The following B3GALT1 variants were observed in gnomAD, a reference collection of about 807,000 sequenced individuals.
B3GALT1 encodes beta-1,3-galactosyltransferase 1.
A neutral mutation model predicts 23.2 loss-of-function variants in B3GALT1; 10 were observed. That is an observed-to-expected ratio of 0.43 (90% CI 0.27 to 0.73). The LOEUF (loss-of-function observed/expected upper bound fraction) is 0.73. B3GALT1 is among the 30% of genes least tolerant of loss of function. B3GALT1 has a pLI of 0.21. For synonymous variants in B3GALT1, 156 were observed against 141.5 expected, an observed-to-expected ratio of 1.10 and a Z score of -0.73; for missense variants, 299 against 405.4, an observed-to-expected ratio of 0.74 and a Z score of 2.25.
At chr2:167,806,924 G>A (rs1002582778) in intron 3 of B3GALT1, among the ~76,000 whole-genome samples, 9 of 152,110 alleles carry the variant, frequency 5.9e-5, no homozygotes, top group African/African-American at 1.4e-4. Context: ...GGTAGAATTC[G>A]GCTGTGAATC....
At chr2:167,492,287 A>C (rs116617634) in intron 2 of B3GALT1, among the ~76,000 whole-genome samples, 1 of 152,174 alleles carries the variant, frequency 6.6e-6, no homozygotes, top group African/African-American at 2.4e-5. Flanking sequence ...TTTAAGGTTC[A>C]TCTATGTTTT....
intron 2 of B3GALT1, among the ~76,000 whole-genome samples, chr2:167,521,010 G>C (rs954173340): frequency 3.3e-5 from 5 of 151,744 alleles, no homozygotes; most frequent in Non-Finnish European, 7.4e-5. Context: ...TGACATAGAT[G>C]GTCTGCTACT....
At chr2:167,345,318 A>C (rs534462957) in intron 1 of B3GALT1, among the ~76,000 whole-genome samples, 8 of 152,236 alleles carry the variant, frequency 5.3e-5, no homozygotes, top group African/African-American at 1.4e-4. Context: ...GAGTCTTGAC[A>C]TCTGAGCCCA....
rs561601793 is a variant in B3GALT1, at chr2:167,352,645, T to C, written c.-511+59311T>C. Among the ~76,000 whole-genome samples, 572 of 150,450 alleles carry C rather than the reference T, an allele frequency of 3.8e-3. 6 individuals carry two copies. Among genetic ancestry groups the C allele is most frequent in the African/African-American group, 0.013 (539 of 40,916 alleles). ...CTGAGGCAGGAGAATGGCATGAACC[T>C]GGGAGGCGGAGACTGCAGTGAGCCA... On this transcript the variant is annotated intron_variant, in intron 1 of 4. Coordinates refer to ENST00000392690, the MANE Select transcript of B3GALT1 (RefSeq NM_020981.4).
chr2:167,357,204 C>G (rs1697430001), intron 1 of B3GALT1, among the ~76,000 whole-genome samples: 2 of 151,822 alleles, frequency 1.3e-5, no homozygotes, highest in South Asian at 4.1e-4. Flanking sequence ...TTAGTTTTAT[C>G]TTGATAATTT....
intron 2 of B3GALT1, among the ~76,000 whole-genome samples, chr2:167,636,846 G>T (rs1347403302): frequency 6.6e-6 from 1 of 151,990 alleles, no homozygotes; most frequent in Admixed American, 6.6e-5. Flanking sequence ...TGGGTGGGGG[G>T]CTATGGGAGG....
At chr2:167,481,152 C>T (rs1342767781) in intron 1 of B3GALT1, among the ~76,000 whole-genome samples, 1 of 152,166 alleles carries the variant, frequency 6.6e-6, no homozygotes, top group Non-Finnish European at 1.5e-5. Context: ...CAAAAATGTG[C>T]ATCTTTGTTC....
chr2:167,748,605 A>T (rs1303176987), intron 3 of B3GALT1, among the ~76,000 whole-genome samples: 1 of 152,178 alleles, frequency 6.6e-6, no homozygotes, highest in Admixed American at 6.5e-5. Context: ...GTGGGCAACT[A>T]TGTGGAAGTG....
At chr2:167,715,255 G>A in intron 3 of B3GALT1, 1 of 1,613,956 alleles carries the variant, frequency 6.2e-7, no homozygotes, top group Non-Finnish European at 8.5e-7. Flanking sequence ...TCATTGGCAA[G>A]TGTCCAGTCA....
chr2:167,814,597 T>TAA (rs796537148), intron 3 of B3GALT1, among the ~76,000 whole-genome samples: 1 of 147,300 alleles, frequency 6.8e-6, no homozygotes, highest in African/African-American at 2.5e-5. Context: ...CCGTCTCTAC[T>TAA]AAAAAAAAAA....
At chr2:167,791,040 A>G (rs934890514) in intron 3 of B3GALT1, among the ~76,000 whole-genome samples, 1 of 152,176 alleles carries the variant, frequency 6.6e-6, no homozygotes, top group East Asian at 1.9e-4. Context: ...CTGTCAGGAG[A>G]TGAATACAAA....
At chr2:167,475,268 T>TCC (rs1031573962) in intron 1 of B3GALT1, among the ~76,000 whole-genome samples, 2 of 152,204 alleles carry the variant, frequency 1.3e-5, no homozygotes, top group Non-Finnish European at 2.9e-5. Context: ...CTGGAGACAC[T>TCC]CCCCACCCCT....
chr2:167,481,842 T>A (rs1260872042), intron 1 of B3GALT1, among the ~76,000 whole-genome samples: 1 of 152,346 alleles, frequency 6.6e-6, no homozygotes, highest in African/African-American at 2.4e-5. Flanking sequence ...AGCACTCTGT[T>A]ACATGCCCAA....
intron 1 of B3GALT1, among the ~76,000 whole-genome samples, chr2:167,401,540 C>T (rs1698192022): frequency 6.6e-6 from 1 of 152,106 alleles, no homozygotes. Flanking sequence ...AGCAGGCTGC[C>T]TTCTTTAACA....
chr2:167,559,382 T>C (rs961494524), intron 2 of B3GALT1, among the ~76,000 whole-genome samples: 4 of 151,960 alleles, frequency 2.6e-5, no homozygotes, highest in African/African-American at 9.7e-5. Context: ...AACTGGAAAC[T>C]CTAAAAAGCA....
At chr2:167,456,892 A>G (rs1322476497) in intron 1 of B3GALT1, among the ~76,000 whole-genome samples, 1 of 152,150 alleles carries the variant, frequency 6.6e-6, no homozygotes, top group Non-Finnish European at 1.5e-5. Flanking sequence ...GTCATTATGT[A>G]GGCATGATTA....
intron 3 of B3GALT1, among the ~76,000 whole-genome samples, chr2:167,682,121 T>C (rs1263357749): frequency 6.6e-6 from 1 of 152,160 alleles, no homozygotes; most frequent in Non-Finnish European, 1.5e-5. Flanking sequence ...CTGTTCCTAT[T>C]GCCTTGGTGT....
At chr2:167,551,699 C>A (rs1574132424) in intron 2 of B3GALT1, among the ~76,000 whole-genome samples, 1 of 152,086 alleles carries the variant, frequency 6.6e-6, no homozygotes, top group African/African-American at 2.4e-5. Flanking sequence ...AGATGAGGTG[C>A]CTTTTTCTAA....
At chr2:167,755,124 C>A (rs370882074) in intron 3 of B3GALT1, among the ~76,000 whole-genome samples, 14 of 152,200 alleles carry the variant, frequency 9.2e-5, no homozygotes, top group African/African-American at 3.4e-4. Flanking sequence ...ATTCAAAATT[C>A]GAAGCATAGT....
Sources: gnomAD v4.1 joint callset for allele counts (sites outside exome capture counted in the v4.1 genomes callset) on GRCh38, gnomAD v4.1.1 for gene constraint, MANE v1.5 for transcripts, NCBI Gene and HGNC (gene_info 2026-07-23, HGNC 2026-07-21) for gene names.